The following SIPA1L2 variants were observed in gnomAD, a reference collection of about 807,000 sequenced individuals.
SIPA1L2 encodes the protein signal induced proliferation associated 1 like 2, also known as signal-induced proliferation-associated 1-like protein 2.
SIPA1L2 carries 56 observed loss-of-function variants against 163.9 expected under a neutral mutation model. The ratio of observed to expected loss-of-function variants is 0.34; its 90% confidence interval spans 0.28 to 0.43. SIPA1L2 has a LOEUF of 0.43. Among genes scored for constraint, SIPA1L2 ranks in the 20% least tolerant of loss-of-function variants. The probability of loss-of-function intolerance (pLI) is 1.00; values close to 1 mark genes in which losing one functional copy is unlikely to be tolerated. For synonymous variants in SIPA1L2, 877 were observed against 865.7 expected, an observed-to-expected ratio of 1.01 and a Z score of -0.23; for missense variants, 1,974 against 2,193.5, an observed-to-expected ratio of 0.90 and a Z score of 2.00.
At position 232,614,615 on chromosome 1, in the gene SIPA1L2, G is replaced by A. The variant is rs575179513; in HGVS notation, c.-319+15254C>T. On this transcript the variant is annotated intron_variant, in intron 1 of 22. Coordinates refer to ENST00000674635, the MANE Select transcript of SIPA1L2 (RefSeq NM_020808.5). The stretch of plus-strand genomic sequence containing the variant: ...TGTTCTTATTGCTCGGGAGGTTCCC[G>A]GAATCCTTCCATGATTAAGTTATTG... 1.0e-3 allele frequency among the ~76,000 whole-genome samples: 156 copies of A among 152,300 alleles called. 1 individual carries two copies. The highest frequency in any genetic ancestry group is 3.7e-3 in the African/African-American group (152 of 41,566).
chr1:232,578,914 T>C (rs1573115046), intron 1 of SIPA1L2, among the ~76,000 whole-genome samples: 1 of 152,224 alleles, frequency 6.6e-6, no homozygotes, highest in African/African-American at 2.4e-5. Flanking sequence ...TTTTACCTTG[T>C]TTTGCCTTTA....
intron 6 of SIPA1L2, among the ~76,000 whole-genome samples, chr1:232,481,229 A>G (rs1665338285): frequency 6.6e-6 from 1 of 152,212 alleles, no homozygotes; most frequent in African/African-American, 2.4e-5. Flanking sequence ...TTGACAGTGA[A>G]CGTGGCTCTG....
At chr1:232,402,542 C>T in intron 21 of SIPA1L2, 69 bp from the exon 22 acceptor site, 1 of 1,382,412 alleles carries the variant, frequency 7.2e-7, no homozygotes, top group Admixed American at 2.0e-5. Flanking sequence ...GTCAAGTTTT[C>T]ACTCGAAAAA....
intron 3 of SIPA1L2, among the ~76,000 whole-genome samples, chr1:232,502,841 C>T (rs950449187): frequency 1.3e-5 from 2 of 152,248 alleles, no homozygotes; most frequent in Non-Finnish European, 2.9e-5. Flanking sequence ...ATGTAAGACG[C>T]TGCCTAGCTT....
chr1:232,463,718 A>G (rs903658575), intron 9 of SIPA1L2, among the ~76,000 whole-genome samples: 2 of 152,262 alleles, frequency 1.3e-5, no homozygotes, highest in Admixed American at 1.3e-4. Flanking sequence ...AGCAGAATGC[A>G]TCCAGAGACT....
chr1:232,490,671 C>A, intron 5 of SIPA1L2: 2 of 504,982 alleles, frequency 4.0e-6, no homozygotes, highest in African/African-American at 2.0e-5. Context: ...AAAAAAATCA[C>A]AACTCAGCAG....
At chr1:232,413,778 C>T (rs1351619920) in intron 19 of SIPA1L2, among the ~76,000 whole-genome samples, 2 of 152,190 alleles carry the variant, frequency 1.3e-5, no homozygotes, top group South Asian at 2.1e-4. Context: ...GAATTCAGTG[C>T]GTTCAGTACT....
Position 232,445,771 on chromosome 1 carries a change from G to A in SIPA1L2, c.3111C>T (p.Leu1037=), listed in dbSNP as rs1663180536. 1.2e-6 allele frequency: 2 copies of A among 1,613,278 alleles called. No homozygotes were observed. Among genetic ancestry groups the A allele is most frequent in the African/African-American group, 1.3e-5 (1 of 74,910 alleles). The change falls in exon 11 of 23, where the codon CTC becomes CTT. Residue 1037 remains leucine (L), a synonymous_variant. Transcript: ENST00000674635. ...TATATTCCACCATAGGGATCCGGCA[G>A]AGCTCTGAACACCCTCTGTTGGGCC... The part of the protein sequence containing the change: ...DGSPRRGCSE[L]CRIPMVEYKL...
intron 1 of SIPA1L2, among the ~76,000 whole-genome samples, chr1:232,595,744 AATGCTCATTCG>A (rs1661227494): frequency 6.8e-6 from 1 of 147,926 alleles, no homozygotes; most frequent in African/African-American, 2.7e-5. Flanking sequence ...ATTTTCTTCC[AATGCTCATTCG>A]AAAATGAAAC....
At chr1:232,609,740 G>C (rs1662142517) in intron 1 of SIPA1L2, among the ~76,000 whole-genome samples, 2 of 148,786 alleles carry the variant, frequency 1.3e-5, no homozygotes, top group Admixed American at 6.8e-5. Flanking sequence ...TGAGGCAGGA[G>C]AATCACTTGT....
At position 232,471,525 on chromosome 1, in the gene SIPA1L2, G is replaced by A. The variant is rs1042586826; in HGVS notation, c.2089C>T (p.Leu697=). 9.3e-6 allele frequency: 15 copies of A among 1,608,688 alleles called. No homozygotes were observed. Among genetic ancestry groups the A allele is most frequent in the African/African-American group, 1.3e-5 (1 of 74,540 alleles). Residue 697 remains leucine (L), a synonymous_variant, in exon 8 of 23, where the codon CTG becomes TTG. Transcript: ENST00000674635. ...TCATTTCCTATGTGCCTTTTCCTCA[G>A]TAGCTGTGGTCAAGAAAGTGAAGAG... The part of the protein sequence containing the change: ...PYMPNNRQQL[L]RKRHIGNDIV...
chr1:232,617,211 T>C (rs1662545635), intron 1 of SIPA1L2, among the ~76,000 whole-genome samples: 1 of 152,224 alleles, frequency 6.6e-6, no homozygotes, highest in African/African-American at 2.4e-5. Flanking sequence ...GCAAAGTTGC[T>C]CAGCTCAATG....
At chr1:232,424,070 T>C (rs546710335) in intron 18 of SIPA1L2, among the ~76,000 whole-genome samples, 16 of 152,240 alleles carry the variant, frequency 1.1e-4, no homozygotes, top group African/African-American at 3.6e-4. Flanking sequence ...CATGTCATCT[T>C]ACACATTTTA....
chr1:232,576,904 G>C (rs1660107988), intron 1 of SIPA1L2, among the ~76,000 whole-genome samples: 1 of 152,046 alleles, frequency 6.6e-6, no homozygotes, highest in Non-Finnish European at 1.5e-5. Flanking sequence ...TGAAGGCTGA[G>C]AGAGGTGAGG....
rs183883994 is a variant in SIPA1L2, at chr1:232,525,241, T to A, written c.-269-9633A>T. 6.2e-3 allele frequency among the ~76,000 whole-genome samples: 894 copies of A among 143,420 alleles called. 44 individuals carry two copies. The East Asian group carries it at 0.12, about 18-fold the overall frequency. 94.1% of individuals were successfully genotyped at this position (143,420 alleles called of 152,430 possible). ...TGTTAGAATAATAATAGCTTTTTTT[T>A]TTTTTTTTTTTGGAGACGGAGTCTT... On this transcript the variant is annotated intron_variant, in intron 2 of 22. Coordinates refer to ENST00000674635, the MANE Select transcript of SIPA1L2 (RefSeq NM_020808.5).
In SIPA1L2 at chr1:232,425,705, C is replaced by T. The variant is rs773691697; in HGVS notation, c.4514G>A (p.Arg1505Gln). ...CAGGGCCTGGTCAAGCACGGAACTCCGGGAACTGCCAAAGGAGGACCCCCT... is the reference window on the plus strand; with the variant it reads ...CAGGGCCTGGTCAAGCACGGAACTCTGGGAACTGCCAAAGGAGGACCCCCT... ...NRRGSSFGSSRSSVLDQALPN... is the reference protein window; with the variant it reads ...NRRGSSFGSSQSSVLDQALPN... Residue 1505 changes from arginine (R) to glutamine (Q), a missense_variant, in exon 18 of 23, where the codon CGG becomes CAG. Transcript: ENST00000674635. The T allele has an allele frequency of 7.4e-6, 12 of 1,613,894 alleles. No individual in the cohort carries two copies. Among genetic ancestry groups the T allele is most frequent in the South Asian group, 4.4e-5 (4 of 91,006 alleles).
intron 2 of SIPA1L2, among the ~76,000 whole-genome samples, chr1:232,554,735 G>A (rs1658601083): frequency 6.6e-6 from 1 of 152,248 alleles, no homozygotes; most frequent in Admixed American, 6.5e-5. Context: ...CCTTGCAGCT[G>A]TTGTGCTGGC....
intron 15 of SIPA1L2, among the ~76,000 whole-genome samples, chr1:232,438,168 G>A (rs924029072): frequency 4.6e-5 from 7 of 152,242 alleles, no homozygotes; most frequent in East Asian, 1.9e-4. Flanking sequence ...GCCTTTCACC[G>A]TGACTGCTAC....
At chr1:232,628,521 G>A (rs1429914516) in intron 1 of SIPA1L2, among the ~76,000 whole-genome samples, 1 of 150,118 alleles carries the variant, frequency 6.7e-6, no homozygotes, top group Non-Finnish European at 1.5e-5. Context: ...GTCCAAACAT[G>A]AAACAAGCAT....
Sources: gnomAD v4.1 joint callset for allele counts (sites outside exome capture counted in the v4.1 genomes callset) on GRCh38, gnomAD v4.1.1 for gene constraint, MANE v1.5 for transcripts, NCBI Gene and HGNC (gene_info 2026-07-23, HGNC 2026-07-21) for gene names.